Variants in REEP1 observed in about 807,000 individuals in gnomAD.
REEP1 encodes receptor expression-enhancing protein 1.
REEP1 carries 22 observed loss-of-function variants against 40.3 expected under a neutral mutation model. The ratio of observed to expected loss-of-function variants is 0.55; its 90% CI spans 0.39 to 0.78. The LOEUF (loss-of-function observed/expected upper bound fraction) is 0.78. Ranked by LOEUF, REEP1 falls within the 30% of genes least tolerant of loss-of-function variation. The pLI is 0.00. For synonymous variants in REEP1, 116 were observed against 139.2 expected, an observed-to-expected ratio of 0.83 and a Z score of 1.17; for missense variants, 280 against 361.1, an observed-to-expected ratio of 0.78 and a Z score of 1.82.
At chr2:86,273,286 T>G (rs1008762367) in intron 2 of REEP1, among the ~76,000 whole-genome samples, 18 of 151,428 alleles carry the variant, frequency 1.2e-4, no homozygotes, top group Non-Finnish European at 2.5e-4. Flanking sequence ...CCCTACCTTT[T>G]TTTTTTTTTT....
chr2:86,251,582 A>G, intron 5 of REEP1: 1 of 329,644 alleles, frequency 3.0e-6, no homozygotes. Context: ...ACTGCAGAGA[A>G]GCACTCTCTC....
intron 1 of REEP1, chr2:86,297,754 A>T (rs950090576): frequency 4.1e-6 from 4 of 984,006 alleles, no homozygotes; most frequent in East Asian, 1.1e-4. Flanking sequence ...CTCCTCATTC[A>T]CTGGTTCTGG....
intron 1 of REEP1, among the ~76,000 whole-genome samples, chr2:86,320,548 T>C (rs1484180300): frequency 6.6e-6 from 1 of 152,200 alleles, no homozygotes; most frequent in Non-Finnish European, 1.5e-5. Flanking sequence ...TGAAAAATAG[T>C]TTAGATGCTA....
At chr2:86,252,364 C>T (rs1029107551) in intron 4 of REEP1, among the ~76,000 whole-genome samples, 3 of 152,152 alleles carry the variant, frequency 2.0e-5, no homozygotes, top group African/African-American at 7.2e-5. Context: ...TATGGACAGC[C>T]TTGCCTGCCA....
intron 3 of REEP1, among the ~76,000 whole-genome samples, chr2:86,263,712 G>A (rs1329993277): frequency 6.6e-6 from 1 of 152,148 alleles, no homozygotes; most frequent in Non-Finnish European, 1.5e-5. Flanking sequence ...TTGAGGATGT[G>A]TATCTGTCCT....
At chr2:86,235,679 T>C (rs1559514) in intron 5 of REEP1, among the ~76,000 whole-genome samples, 5 of 151,956 alleles carry the variant, frequency 3.3e-5, no homozygotes, top group African/African-American at 1.2e-4. Context: ...GCAACATATG[T>C]GAGAGAAAGC....
chr2:86,235,756 C>G (rs1039224138), intron 5 of REEP1, among the ~76,000 whole-genome samples: 6 of 152,224 alleles, frequency 3.9e-5, no homozygotes, highest in Admixed American at 1.3e-4. Context: ...GCCAGCCAGT[C>G]TAGCTCCAAT....
rs1674016494 is a variant in REEP1, at chr2:86,214,848, G to C, written c.*2191C>G. 6.6e-6 allele frequency: 1 copy of C among 152,496 alleles called. No homozygotes were observed. Among genetic ancestry groups the C allele is most frequent in the African/African-American group, 2.4e-5 (1 of 41,376 alleles). 9.4% of individuals were successfully genotyped at this position (152,496 alleles called of 1,614,324 possible). ...ATAATACAGCATGTCTGAGAATAGA[G>C]CGCTTCAAACTTTTTTTGGCATAGT... On this transcript the variant is annotated 3_prime_UTR_variant, in exon 9 of 9. Coordinates refer to ENST00000538924, the MANE Select transcript of REEP1 (RefSeq NM_001371279.1).
chr2:86,285,623 A>G (rs1463727207), intron 1 of REEP1, among the ~76,000 whole-genome samples: 4 of 152,204 alleles, frequency 2.6e-5, no homozygotes, highest in Non-Finnish European at 5.9e-5. Flanking sequence ...GAACCCAGGC[A>G]GCCTGACAAC....
At chr2:86,279,162 G>A (rs1447192198) in intron 2 of REEP1, among the ~76,000 whole-genome samples, 1 of 152,158 alleles carries the variant, frequency 6.6e-6, no homozygotes, top group Non-Finnish European at 1.5e-5. Context: ...TCCACAGAAA[G>A]ACAAGCCTGA....
At chr2:86,235,333 C>A (rs1574009729) in intron 5 of REEP1, among the ~76,000 whole-genome samples, 1 of 152,158 alleles carries the variant, frequency 6.6e-6, no homozygotes. Flanking sequence ...CCTCTCTCCA[C>A]CTCAAGACCT....
At chr2:86,259,706 A>G (rs899061308) in intron 3 of REEP1, among the ~76,000 whole-genome samples, 5 of 151,576 alleles carry the variant, frequency 3.3e-5, no homozygotes. Context: ...TTTATAACTA[A>G]AAAAAAAAAC....
intron 3 of REEP1, among the ~76,000 whole-genome samples, chr2:86,262,845 A>T (rs1358960467): frequency 6.6e-6 from 1 of 152,222 alleles, no homozygotes; most frequent in Non-Finnish European, 1.5e-5. Flanking sequence ...GCACACACTC[A>T]ACTCTTTAAA....
intron 1 of REEP1, among the ~76,000 whole-genome samples, chr2:86,302,575 C>T (rs1299973604): frequency 6.6e-6 from 1 of 152,140 alleles, no homozygotes; most frequent in East Asian, 1.9e-4. Flanking sequence ...TAAATATGTT[C>T]CATGGTGTTC....
At chr2:86,240,707 G>C (rs975436192) in intron 5 of REEP1, among the ~76,000 whole-genome samples, 4 of 152,192 alleles carry the variant, frequency 2.6e-5, no homozygotes, top group Non-Finnish European at 4.4e-5. Flanking sequence ...AGGTTTTTGA[G>C]AGGTGAGCAG....
intron 1 of REEP1, among the ~76,000 whole-genome samples, chr2:86,287,929 C>T (rs1197064375): frequency 1.3e-5 from 2 of 152,184 alleles, no homozygotes; most frequent in African/African-American, 4.8e-5. Context: ...ATGTATTCCA[C>T]TGTGATATGT....
At chr2:86,246,784 C>T (rs1675983079) in intron 5 of REEP1, among the ~76,000 whole-genome samples, 1 of 149,508 alleles carries the variant, frequency 6.7e-6, no homozygotes, top group Non-Finnish European at 1.5e-5. Flanking sequence ...TTACCGCGAC[C>T]TCCACCTCCT....
chr2:86,222,954 C>T (rs1038906867), intron 7 of REEP1, among the ~76,000 whole-genome samples: 2 of 152,206 alleles, frequency 1.3e-5, no homozygotes, highest in Non-Finnish European at 2.9e-5. Flanking sequence ...GTCCTTACCC[C>T]TGGCAACAGG....
Position 86,336,284 on chromosome 2 carries a change from G to A in REEP1, c.32+1195C>T, listed in dbSNP as rs371164133. On this transcript the variant is annotated intron_variant, in intron 1 of 8. Transcript: ENST00000538924. ...TCACGGAATGACTTGGGGGCTGAGA[G>A]GCACAGACACTGGCTTTGGGAGGAA... Among the ~76,000 whole-genome samples the A allele has an allele frequency of 2.6e-3, 389 of 152,324 alleles. 14 individuals carry two copies. The South Asian group carries it at 0.079, about 31-fold the overall frequency.
Sources: gnomAD v4.1 joint callset for allele counts (sites outside exome capture counted in the v4.1 genomes callset) on GRCh38, gnomAD v4.1.1 for gene constraint, MANE v1.5 for transcripts, NCBI Gene and HGNC (gene_info 2026-07-23, HGNC 2026-07-21) for gene names.